The following PTPN14 variants were observed in gnomAD, a reference collection of about 807,000 sequenced individuals.
The protein encoded by PTPN14 is protein tyrosine phosphatase non-receptor type 14, also known as tyrosine-protein phosphatase non-receptor type 14.
Under a neutral mutation model 126.8 loss-of-function variants are expected in PTPN14, and 53 were observed. The observed-to-expected ratio is 0.42, with a 90% CI of 0.34 to 0.53. PTPN14 has a LOEUF of 0.53. Ranked by LOEUF, PTPN14 falls within the 20% of genes least tolerant of loss-of-function variation. The probability of loss-of-function intolerance (pLI) is 0.08; values close to 1 mark genes in which losing one functional copy is unlikely to be tolerated. For synonymous variants in PTPN14, 630 were observed against 599.3 expected (o/e 1.05, Z -0.75); for missense variants, 1,257 against 1,552.9 (o/e 0.81, Z 3.20).
Position 214,402,288 on chromosome 1 carries a change from A to G in PTPN14, c.582-516T>C, listed in dbSNP as rs541607838. ...CCCCATCTCCACTAAAAATACAAAA[A>G]TTAGCTGGGTGTGGTGGTGCATGTG... On this transcript the variant is annotated intron_variant, in intron 6 of 18. Coordinates refer to ENST00000366956, the MANE Select transcript of PTPN14 (RefSeq NM_005401.5). 4.6e-5 allele frequency among the ~76,000 whole-genome samples: 7 copies of G among 151,684 alleles called. No individual in the cohort carries two copies. The East Asian group carries it at 1.4e-3, about 30-fold the overall frequency.
At chr1:214,545,939 C>T (rs1655957432) in intron 1 of PTPN14, among the ~76,000 whole-genome samples, 1 of 151,900 alleles carries the variant, frequency 6.6e-6, no homozygotes, top group Admixed American at 6.6e-5. Context: ...GAGACGATAG[C>T]CAAGGAGATC....
At chr1:214,394,822 A>T in intron 9 of PTPN14, 77 bp downstream of exon 9, 1 of 1,264,684 alleles carries the variant, frequency 7.9e-7, no homozygotes. Flanking sequence ...AGGGAGAGCA[A>T]GGAAAGGACA....
chr1:214,494,681 AAGC>A (rs1388816084), intron 1 of PTPN14, among the ~76,000 whole-genome samples: 1 of 152,236 alleles, frequency 6.6e-6, no homozygotes, highest in South Asian at 2.1e-4. Context: ...TACATGAACA[AAGC>A]AGGGAGAACT....
chr1:214,527,013 C>A (rs1655416011), intron 1 of PTPN14, among the ~76,000 whole-genome samples: 1 of 152,022 alleles, frequency 6.6e-6, no homozygotes, highest in South Asian at 2.1e-4. Flanking sequence ...ATCACTTGAA[C>A]CCGGGAGACA....
intron 1 of PTPN14, among the ~76,000 whole-genome samples, chr1:214,527,405 C>T (rs1410446487): frequency 2.0e-5 from 3 of 152,120 alleles, no homozygotes; most frequent in African/African-American, 7.2e-5. Context: ...TCATTCTTAA[C>T]CCAAAAGGCC....
At chr1:214,479,629 G>A (rs79874690) in intron 1 of PTPN14, among the ~76,000 whole-genome samples, 5,740 of 151,912 alleles carry the variant, frequency 0.038, 160 homozygotes, top group African/African-American at 0.067. Context: ...GTCAGCCACC[G>A]TACCCGACCC....
At chr1:214,379,086 G>A (rs997227300) in intron 13 of PTPN14, among the ~76,000 whole-genome samples, 33 of 152,162 alleles carry the variant, frequency 2.2e-4, no homozygotes, top group Non-Finnish European at 7.3e-5. Flanking sequence ...GCCACGAAGG[G>A]CCTTTCCTAA....
intron 3 of PTPN14, among the ~76,000 whole-genome samples, chr1:214,420,540 A>G (rs1407734990): frequency 1.3e-5 from 2 of 152,246 alleles, no homozygotes; most frequent in East Asian, 3.8e-4. Context: ...AAGGTGTTGC[A>G]AAAGAGAAAG....
intron 3 of PTPN14, among the ~76,000 whole-genome samples, chr1:214,446,091 A>G (rs1660136248): frequency 6.6e-6 from 1 of 152,186 alleles, no homozygotes; most frequent in Non-Finnish European, 1.5e-5. Flanking sequence ...GGGGAAAACT[A>G]ACATTTTCAA....
intron 11 of PTPN14, among the ~76,000 whole-genome samples, chr1:214,389,879 G>GT (rs1435163109): frequency 1.3e-5 from 2 of 152,192 alleles, no homozygotes; most frequent in East Asian, 3.8e-4. Flanking sequence ...AAAGCCCAAC[G>GT]TATCTGTTAC....
intron 1 of PTPN14, among the ~76,000 whole-genome samples, chr1:214,487,219 GGAAAGACAGGAATTAAAGT>G (rs66521861): frequency 0.9 from 136,476 of 151,546 alleles, 61,624 homozygotes; most frequent in African/African-American, 0.96. Flanking sequence ...AAAAGGAGAA[GGAAAGACAGGAATTAAAGT>G]GAAAGACAGG....
At chr1:214,496,337 C>A (rs1654508316) in intron 1 of PTPN14, among the ~76,000 whole-genome samples, 2 of 152,232 alleles carry the variant, frequency 1.3e-5, no homozygotes, top group Non-Finnish European at 2.9e-5. Context: ...TACGGCTTAG[C>A]CCAGTGTTAG....
chr1:214,441,359 A>G (rs973022090), intron 3 of PTPN14, among the ~76,000 whole-genome samples: 17 of 152,194 alleles, frequency 1.1e-4, no homozygotes, highest in African/African-American at 4.1e-4. Context: ...TAATATCCTC[A>G]GGCTGGGGAA....
In PTPN14 at chr1:214,521,672, G is replaced by T. The variant is rs191876699; in HGVS notation, c.-155+29511C>A. On this transcript the variant is annotated intron_variant, in intron 1 of 18. Coordinates refer to ENST00000366956, the MANE Select transcript of PTPN14 (RefSeq NM_005401.5). ...GGAGGTTGCAGTGAGCCGAGATAGCGCCACTGCATTCCAGCTTGGGCAACA... is the reference window on the plus strand; with the variant it reads ...GGAGGTTGCAGTGAGCCGAGATAGCTCCACTGCATTCCAGCTTGGGCAACA... 5.1e-4 allele frequency among the ~76,000 whole-genome samples: 78 copies of T among 152,076 alleles called. 1 individual carries two copies. The East Asian group carries it at 0.01, about 20-fold the overall frequency.
intron 1 of PTPN14, among the ~76,000 whole-genome samples, chr1:214,477,649 G>A (rs557994316): frequency 5.3e-5 from 8 of 152,296 alleles, no homozygotes; most frequent in Middle Eastern, 3.4e-3. Context: ...TGCTGAGCAA[G>A]CCTGGGCCTC....
chr1:214,479,341 C>CTTT (rs368916343), intron 1 of PTPN14, among the ~76,000 whole-genome samples: 52 of 137,990 alleles, frequency 3.8e-4, no homozygotes, highest in African/African-American at 1.3e-3. Flanking sequence ...AAAACCCTGT[C>CTTT]TTTTTTTTTT....
intron 15 of PTPN14, among the ~76,000 whole-genome samples, chr1:214,373,558 AACACACACACACACACACACACACAC>A (rs10562157): frequency 5.8e-5 from 8 of 138,594 alleles, no homozygotes; most frequent in Non-Finnish European, 1.1e-4. Flanking sequence ...ATTTCATTGA[AACACACACACACACACACACACACAC>A]ACACACACAC....
At chr1:214,362,555 C>T (rs1657980653) in intron 18 of PTPN14, among the ~76,000 whole-genome samples, 1 of 152,242 alleles carries the variant, frequency 6.6e-6, no homozygotes, top group Admixed American at 6.5e-5. Flanking sequence ...AGACCAGTAA[C>T]ATCTGGTGTT....
intron 1 of PTPN14, among the ~76,000 whole-genome samples, chr1:214,509,105 T>A (rs1340025018): frequency 6.6e-6 from 1 of 152,200 alleles, no homozygotes; most frequent in Admixed American, 6.5e-5. Context: ...CTTAAAGTCA[T>A]CAGCTGCAAT....
Sources: allele counts gnomAD v4.1 joint callset (sites outside exome capture counted in the v4.1 genomes callset), GRCh38; gene constraint gnomAD v4.1.1; transcripts MANE v1.5; gene names NCBI Gene and HGNC (gene_info 2026-07-23, HGNC 2026-07-21).